WSCD1: variants seen among roughly 807,000 people sequenced by gnomAD.
WSCD1 encodes sialate:O-sulfotransferase 1.
In WSCD1, 41 loss-of-function variants were observed where a neutral mutation model predicts 60.4. The ratio of observed to expected loss-of-function variants is 0.68; its 90% CI spans 0.53 to 0.88. The LOEUF (loss-of-function observed/expected upper bound fraction) is 0.88. WSCD1 is among the 40% of genes least tolerant of loss of function. WSCD1 has a pLI of 0.00. For synonymous variants in WSCD1, 361 were observed against 332.5 expected (o/e 1.09, Z -0.93); for missense variants, 784 against 796.2 (o/e 0.98, Z 0.18).
At chr17:6,108,517 G>A (rs961889386) in intron 5 of WSCD1, among the ~76,000 whole-genome samples, 3 of 152,108 alleles carry the variant, frequency 2.0e-5, no homozygotes, top group African/African-American at 7.2e-5. Context: ...AGAGGTGGGT[G>A]GATACATTTT....
At chr17:6,105,824 T>C (rs1300994795) in intron 5 of WSCD1, among the ~76,000 whole-genome samples, 1 of 152,178 alleles carries the variant, frequency 6.6e-6, no homozygotes, top group Non-Finnish European at 1.5e-5. Flanking sequence ...GGATTTTTTT[T>C]CCTCGGAACA....
Position 6,080,739 on chromosome 17 carries a change from G to A in WSCD1, c.81G>A (p.Leu27=). ...TGTTCTTCCTCACGGCTGCCTACCT[G>A]ATGACCGGCAGCCTGCTGCTGCTGC... is the stretch of plus-strand genomic sequence containing the variant. ...FLLFFLTAAY[L]MTGSLLLLQR... Residue 27 remains leucine, a synonymous_variant, in exon 2 of 9, where the codon CTG becomes CTA. Coordinates refer to ENST00000317744, the MANE Select transcript of WSCD1 (RefSeq NM_015253.2). This position sits in a 1 kb window ranked among gnomAD's most constrained non-coding sequence, Gnocchi z 6.6. 6.2e-7 allele frequency: 1 copy of A among 1,612,866 alleles called. No individual in the cohort carries two copies. Among genetic ancestry groups the A allele is most frequent in the Non-Finnish European group, 8.5e-7 (1 of 1,179,838 alleles).
At chr17:6,077,951 C>T (rs1482025809) in intron 1 of WSCD1, 1 of 152,246 alleles carries the variant, frequency 6.6e-6, no homozygotes, top group Non-Finnish European at 1.5e-5. Context: ...AGCCCAGGCA[C>T]TCTTGTTAAC....
chr17:6,081,367 C>T (rs1469402055), intron 2 of WSCD1, among the ~76,000 whole-genome samples: 2 of 151,750 alleles, frequency 1.3e-5, no homozygotes, highest in African/African-American at 4.9e-5. Flanking sequence ...TCCTGGCCAA[C>T]AATTTTTTTT....
intron 5 of WSCD1, among the ~76,000 whole-genome samples, chr17:6,099,766 C>T (rs1910686167): frequency 6.6e-6 from 1 of 152,110 alleles, no homozygotes; most frequent in Non-Finnish European, 1.5e-5. Flanking sequence ...ACCGCTTCCT[C>T]CAGCATCCCA....
intron 1 of WSCD1, among the ~76,000 whole-genome samples, chr17:6,077,759 A>G (rs1227325433): frequency 6.6e-6 from 1 of 152,206 alleles, no homozygotes; most frequent in Non-Finnish European, 1.5e-5. Flanking sequence ...CGAATTGTTG[A>G]ACTCCTGCCT....
chr17:6,115,680 C>T (rs537091793), intron 7 of WSCD1, among the ~76,000 whole-genome samples: 30 of 152,130 alleles, frequency 2.0e-4, no homozygotes, highest in Non-Finnish European at 3.7e-4. Context: ...CTGCAACCTC[C>T]GCCTCTTGGG....
At chr17:6,088,219 C>T (rs1597356208) in intron 3 of WSCD1, 115 bp downstream of exon 3, 3 of 830,078 alleles carry the variant, frequency 3.6e-6, no homozygotes, top group Non-Finnish European at 5.7e-6. Context: ...TTGGAACTCA[C>T]TGCTCAGATC....
At position 6,124,159 on chromosome 17, in the gene WSCD1, G is replaced by A. The variant is rs974661553; in HGVS notation, c.*3498G>A. On this transcript the variant is annotated 3_prime_UTR_variant, in exon 9 of 9. Transcript: ENST00000317744. ...AGCCAGAGGGAATTTCAAGACTTAT[G>A]GGAATGCTGGGTAGAAGCTGTTTTA... 2 of 152,212 alleles carry A rather than the reference G, an allele frequency of 1.3e-5. No individual in the cohort carries two copies. Among genetic ancestry groups the A allele is most frequent in the Non-Finnish European group, 2.9e-5 (2 of 68,046 alleles). 9.4% of individuals were successfully genotyped at this position (152,212 alleles called of 1,614,324 possible).
At position 6,080,994 on chromosome 17, in the gene WSCD1, G is replaced by A. The variant is rs183855371; in HGVS notation, c.336G>A (p.Leu112=). Residue 112 remains leucine, a synonymous_variant, in exon 2 of 9, where the codon TTG becomes TTA. Coordinates refer to ENST00000317744, the MANE Select transcript of WSCD1 (RefSeq NM_015253.2). The surrounding 1 kb of genome is among the most constrained non-coding windows in gnomAD (Gnocchi z 6.6). The stretch of plus-strand genomic sequence containing the variant: ...GCCGCAACTCGGAGCTGCGTCAGTT[G>A]CGTCGCCGCTGGTTCCACCACTTCA... ...LRSRNSELRQ[L]RRRWFHHFMS... 2.1e-4 allele frequency: 322 copies of A among 1,546,580 alleles called. 1 individual carries two copies. The East Asian group carries it at 6.5e-3, about 31-fold the overall frequency.
At position 6,120,748 on chromosome 17, in the gene WSCD1, C is replaced by T; in HGVS notation, c.*87C>T. On this transcript the variant is annotated 3_prime_UTR_variant, in exon 9 of 9. Transcript: ENST00000317744. ...CCCACTCTGATGCTCAGGCCCGTGG[C>T]CTCACTGGGACGAACGGTGGGTGGG... 7.0e-7 allele frequency: 1 copy of T among 1,425,484 alleles called. No homozygotes were observed. The highest frequency in any genetic ancestry group is 9.5e-7 in the Non-Finnish European group (1 of 1,056,448). 88.3% of individuals were successfully genotyped at this position (1,425,484 alleles called of 1,614,324 possible).
At chr17:6,071,452 C>A (rs959034694) in intron 1 of WSCD1, among the ~76,000 whole-genome samples, 3 of 152,202 alleles carry the variant, frequency 2.0e-5, no homozygotes, top group Non-Finnish European at 4.4e-5. Flanking sequence ...GGAGTTCTAG[C>A]CTCATAGCCC....
At chr17:6,079,396 C>A (rs1195719480) in intron 1 of WSCD1, among the ~76,000 whole-genome samples, 1 of 152,186 alleles carries the variant, frequency 6.6e-6, no homozygotes, top group Non-Finnish European at 1.5e-5. Flanking sequence ...AGCTGCAAAA[C>A]CCTCTCCCAA....
rs1904855913 is a variant in WSCD1 at position 6,123,850 on chromosome 17, T to G, written c.*3189T>G. The stretch of plus-strand genomic sequence containing the variant: ...AGAGTCGTCAGACTGAAAGGCCAGG[T>G]TGTAGTCCCAGCTCTTATCTGCCAT... On this transcript the variant is annotated 3_prime_UTR_variant, in exon 9 of 9. Coordinates refer to ENST00000317744, the MANE Select transcript of WSCD1 (RefSeq NM_015253.2). 6.6e-6 allele frequency: 1 copy of G among 152,166 alleles called. No individual in the cohort carries two copies. Among genetic ancestry groups the G allele is most frequent in the Non-Finnish European group, 1.5e-5 (1 of 68,032 alleles). The allele number at this position is 152,166 out of a possible 1,614,324, so 9.4% of individuals were successfully genotyped here. A position where few individuals can be genotyped will look rare whatever the true frequency, so the allele number is the denominator to read the frequency against.
rs1015927388 is a variant in WSCD1 at position 6,101,774 on chromosome 17, C to T, written c.849+6551C>T. ...GATCCTATCGGCTCCTTTGTTTCAACGCAAGGCAAGAGTGAGCAGGGGGCA... is the reference window on the plus strand; with the variant it reads ...GATCCTATCGGCTCCTTTGTTTCAATGCAAGGCAAGAGTGAGCAGGGGGCA... On this transcript the variant is annotated intron_variant, in intron 5 of 8. Transcript: ENST00000317744. The surrounding 1 kb of genome is among the most constrained non-coding windows in gnomAD (Gnocchi z 4.1). Among the ~76,000 whole-genome samples, 4 of 152,282 alleles carry T rather than the reference C, an allele frequency of 2.6e-5. No individual in the cohort carries two copies. Among genetic ancestry groups the T allele is most frequent in the South Asian group, 2.1e-4 (1 of 4,824 alleles).
In WSCD1 at chr17:6,080,031, TTG is replaced by T. The variant is rs1909122240; in HGVS notation, c.-288-339_-288-338del. The T allele has an allele frequency of 6.5e-6, 1 of 153,206 alleles. No individual in the cohort carries two copies. The allele number at this position is 153,206 out of a possible 1,614,324, so 9.5% of individuals were successfully genotyped here. On this transcript the variant is annotated intron_variant, in intron 1 of 8. Coordinates refer to ENST00000317744, the MANE Select transcript of WSCD1 (RefSeq NM_015253.2). The surrounding 1 kb of genome is among the most constrained non-coding windows in gnomAD (Gnocchi z 6.6). ...ATATGTAAAGTGTTTAGCTGAGTGC[TTG>T]ACACACAGGAAGGGCTGAGGAAGAG...
chr17:6,118,130 C>T lies in WSCD1; in HGVS notation c.1317C>T (p.Phe439=), dbSNP rs1163589856. ...CATACAGGTCCCTGGTGGCAGAATTCAACAGAAAATGTGCCGGGCACCTGG... is the reference window on the plus strand; with the variant it reads ...CATACAGGTCCCTGGTGGCAGAATTTAACAGAAAATGTGCCGGGCACCTGG... ...RNPYRSLVAE[F]NRKCAGHLGY... Residue 439 remains phenylalanine, a synonymous_variant, in exon 8 of 9, where the codon TTC becomes TTT. Coordinates refer to ENST00000317744, the MANE Select transcript of WSCD1 (RefSeq NM_015253.2). The surrounding 1 kb of genome is among the most constrained non-coding windows in gnomAD (Gnocchi z 5.8). 6.2e-6 allele frequency: 10 copies of T among 1,614,072 alleles called. No homozygotes were observed. The highest frequency in any genetic ancestry group is 8.5e-6 in the Non-Finnish European group (10 of 1,180,002).
chr17:6,070,037 T>C (rs574047904), upstream of WSCD1, among the ~76,000 whole-genome samples: 6 of 151,548 alleles, frequency 4.0e-5, no homozygotes, highest in African/African-American at 1.5e-4. Flanking sequence ...GGCGGCGTGC[T>C]CTCCTCTGCG....
At chr17:6,091,605 G>A (rs1910047700) in intron 4 of WSCD1, among the ~76,000 whole-genome samples, 1 of 152,330 alleles carries the variant, frequency 6.6e-6, no homozygotes, top group African/African-American at 2.4e-5. Flanking sequence ...TCTAATCACA[G>A]AAGGCTCCTT....
Sources: gnomAD v4.1 joint callset for allele counts (sites outside exome capture counted in the v4.1 genomes callset) on GRCh38, gnomAD v4.1.1 for gene constraint, Gnocchi (gnomAD v3.1) non-coding constraint, MANE v1.5 for transcripts, NCBI Gene and HGNC (gene_info 2026-07-23, HGNC 2026-07-21) for gene names.